CAPS2: variants seen among roughly 807,000 people sequenced by gnomAD.
CAPS2 encodes calcyphosine 2.
CAPS2 carries 98 observed loss-of-function variants against 86.5 expected under a neutral mutation model. The ratio of observed to expected loss-of-function variants is 1.13; its 90% CI spans 0.96 to 1.34. The LOEUF (loss-of-function observed/expected upper bound fraction) is 1.34, where lower values mean the gene tolerates loss of function less well. Ranked by LOEUF, CAPS2 falls within the 40% of genes most tolerant of loss-of-function variation. The pLI, the probability that CAPS2 is intolerant of heterozygous loss-of-function variation, is 0.00. For missense variants in CAPS2, 729 were observed against 686.8 expected, an observed-to-expected ratio of 1.06 and a Z score of -0.69; for synonymous variants, 210 against 225.1, an observed-to-expected ratio of 0.93 and a Z score of 0.60.
chr12:75,277,107 T>C (rs1300615144), downstream of CAPS2: 3 of 983,554 alleles, frequency 3.1e-6, no homozygotes, highest in East Asian at 3.4e-4. Flanking sequence ...AATAGAGCTA[T>C]TTCCTACAAA....
intron 1 of CAPS2, among the ~76,000 whole-genome samples, chr12:75,371,990 T>A (rs1332266305): frequency 6.6e-6 from 1 of 152,066 alleles, no homozygotes; most frequent in Admixed American, 6.6e-5. Context: ...TAAGGAGTAG[T>A]AGGTTGATTT....
intron 16 of CAPS2, among the ~76,000 whole-genome samples, chr12:75,281,414 G>T (rs146856386): frequency 3.8e-4 from 57 of 151,894 alleles, no homozygotes; most frequent in Admixed American, 1.7e-3. Context: ...TTCATAAAAA[G>T]AATAATATAC....
intron 1 of CAPS2, among the ~76,000 whole-genome samples, chr12:75,351,338 C>A (rs2042795251): frequency 6.6e-6 from 1 of 152,010 alleles, no homozygotes; most frequent in South Asian, 2.1e-4. Flanking sequence ...CCAGAGAACC[C>A]CCGTAAGATA....
chr12:75,371,925 A>G (rs2044383867), intron 1 of CAPS2, among the ~76,000 whole-genome samples: 1 of 152,224 alleles, frequency 6.6e-6, no homozygotes, highest in African/African-American at 2.4e-5. Context: ...TGGCAAAACT[A>G]AGAAACGCTC....
At chr12:75,278,939 A>C (rs2033374497) in exon 17 of CAPS2, 2 of 1,605,936 alleles carry the variant, frequency 1.2e-6, no homozygotes, top group African/African-American at 1.3e-5. Context: ...TTCATCATCT[A>C]CTATTCCTAT....
At chr12:75,308,345 A>G (rs1038009415) in intron 7 of CAPS2, among the ~76,000 whole-genome samples, 19 of 152,246 alleles carry the variant, frequency 1.2e-4, no homozygotes, top group Non-Finnish European at 2.4e-4. Flanking sequence ...CATTACATAC[A>G]TTTACATGTA....
At chr12:75,327,281 G>A (rs549645753), upstream of CAPS2, among the ~76,000 whole-genome samples, 15 of 152,198 alleles carry the variant, frequency 9.9e-5, no homozygotes, top group Middle Eastern at 3.4e-3. Flanking sequence ...AGAGTAGGCT[G>A]ATGAAAATAT....
At chr12:75,333,360 A>G (rs7136911), upstream of CAPS2, among the ~76,000 whole-genome samples, 48,155 of 151,980 alleles carry the variant, frequency 0.32, 8,470 homozygotes, top group East Asian at 0.45. Context: ...ATATCTTTAT[A>G]TCCAGGAAGA....
intron 1 of CAPS2, chr12:75,390,431 TC>T (rs1292492907): frequency 2.2e-6 from 1 of 453,498 alleles, no homozygotes; most frequent in Non-Finnish European, 4.4e-6. Context: ...AGTTTGGTGA[TC>T]CCTACTCTCC....
intron 1 of CAPS2, among the ~76,000 whole-genome samples, chr12:75,372,510 T>C (rs2044425849): frequency 6.6e-6 from 1 of 152,174 alleles, no homozygotes; most frequent in South Asian, 2.1e-4. Context: ...CAGAACGTAA[T>C]GTCATGGGAA....
At chr12:75,302,914 G>T (rs1281050965) in intron 8 of CAPS2, among the ~76,000 whole-genome samples, 1 of 152,190 alleles carries the variant, frequency 6.6e-6, no homozygotes, top group East Asian at 1.9e-4. Flanking sequence ...CACTCATACT[G>T]CTACTGGTGG....
intron 1 of CAPS2, among the ~76,000 whole-genome samples, chr12:75,368,896 CTT>C (rs1487090256): frequency 6.6e-6 from 1 of 151,778 alleles, no homozygotes; most frequent in Non-Finnish European, 1.5e-5. Flanking sequence ...TTGTGGAAGA[CTT>C]TAGCAAATTT....
chr12:75,351,555 T>G (rs528904394), intron 1 of CAPS2, among the ~76,000 whole-genome samples: 235 of 151,868 alleles, frequency 1.5e-3, no homozygotes, highest in Middle Eastern at 3.4e-3. Context: ...GTTTTGTTTT[T>G]TTTTTTTTTG....
At chr12:75,359,897 A>C (rs894042503) in intron 1 of CAPS2, 1 of 152,184 alleles carries the variant, frequency 6.6e-6, no homozygotes, top group Non-Finnish European at 1.5e-5. Context: ...TTATAAAGGA[A>C]ATAGGTTTAA....
intron 1 of CAPS2, chr12:75,366,963 C>G (rs2044010242): frequency 1.4e-6 from 1 of 701,676 alleles, no homozygotes; most frequent in Non-Finnish European, 2.6e-6. Flanking sequence ...ACCCAAGGGG[C>G]AGCTTGCAGC....
chr12:75,383,909 A>G (rs534495398), intron 1 of CAPS2, among the ~76,000 whole-genome samples: 20 of 152,320 alleles, frequency 1.3e-4, no homozygotes, highest in African/African-American at 4.8e-4. Context: ...TAAATGGCAC[A>G]CTTCTAAATA....
At chr12:75,277,710 G>A (rs1440864994) in exon 17 of CAPS2, 31 of 871,572 alleles carry the variant, frequency 3.6e-5, no homozygotes, top group Non-Finnish European at 4.3e-5. Context: ...ACAGTGATAT[G>A]TCTAAAGTCA....
intron 1 of CAPS2, among the ~76,000 whole-genome samples, chr12:75,325,644 G>GT (rs932565782): frequency 9.5e-4 from 144 of 151,836 alleles, no homozygotes; most frequent in African/African-American, 3.3e-3. Context: ...TGTTTGTTTT[G>GT]TTTTTTTCTT....
intron 1 of CAPS2, among the ~76,000 whole-genome samples, chr12:75,361,438 A>G (rs1593816216): frequency 6.6e-6 from 1 of 152,074 alleles, no homozygotes; most frequent in African/African-American, 2.4e-5. Context: ...TTCACCAGGA[A>G]CCCAACCCTA....
Sources: gnomAD v4.1 joint callset for allele counts (sites outside exome capture counted in the v4.1 genomes callset) on GRCh38, gnomAD v4.1.1 for gene constraint, MANE v1.5 for transcripts, NCBI Gene and HGNC (gene_info 2026-07-23, HGNC 2026-07-21) for gene names.